The following FNDC3B variants were observed in gnomAD, a reference collection of about 807,000 sequenced individuals.
FNDC3B encodes fibronectin type III domain-containing protein 3B.
FNDC3B carries 12 observed loss-of-function variants against 151.5 expected under a neutral mutation model. The observed-to-expected ratio is 0.08, with a 90% confidence interval of 0.05 to 0.13. The LOEUF (loss-of-function observed/expected upper bound fraction) is 0.13, where lower values mean the gene tolerates loss of function less well. FNDC3B is among the 10% of genes least tolerant of loss of function. The probability of loss-of-function intolerance (pLI) is 1.00; values close to 1 mark genes in which losing one functional copy is unlikely to be tolerated. For missense variants in FNDC3B, 1,214 were observed against 1,505.3 expected (o/e 0.81, Z 3.20); for synonymous variants, 528 against 549.0 (o/e 0.96, Z 0.54).
At chr3:172,269,018 T>C (rs1729056121) in intron 6 of FNDC3B, among the ~76,000 whole-genome samples, 1 of 151,756 alleles carries the variant, frequency 6.6e-6, no homozygotes. Context: ...AGTATTTGGC[T>C]TTTTTTTGTT....
At chr3:172,200,872 G>C (rs1375853216) in intron 3 of FNDC3B, among the ~76,000 whole-genome samples, 1 of 152,152 alleles carries the variant, frequency 6.6e-6, no homozygotes. Context: ...TGTTGTTTGG[G>C]AGGGGAAAGA....
chr3:172,329,601 T>C (rs1308062097), intron 12 of FNDC3B: 2 of 152,350 alleles, frequency 1.3e-5, no homozygotes, highest in African/African-American at 4.8e-5. Flanking sequence ...AGGTATCAAT[T>C]GATTAAAGAG....
intron 1 of FNDC3B, among the ~76,000 whole-genome samples, chr3:172,087,526 A>G (rs1718608434): frequency 6.6e-6 from 1 of 152,146 alleles, no homozygotes. Context: ...AGAAATTTGA[A>G]GTGATTTGAG....
At chr3:172,138,887 T>A (rs1721490870) in intron 3 of FNDC3B, among the ~76,000 whole-genome samples, 1 of 152,204 alleles carries the variant, frequency 6.6e-6, no homozygotes, top group South Asian at 2.1e-4. Context: ...TTGAAGCTAT[T>A]CGAATGTGAA....
At chr3:172,070,700 G>A (rs763082295) in intron 1 of FNDC3B, among the ~76,000 whole-genome samples, 1 of 152,076 alleles carries the variant, frequency 6.6e-6, no homozygotes, top group African/African-American at 2.4e-5. Context: ...AAAAAAATTT[G>A]AACATAGACA....
At chr3:172,273,216 A>G (rs548318239) in intron 6 of FNDC3B, among the ~76,000 whole-genome samples, 5 of 152,370 alleles carry the variant, frequency 3.3e-5, no homozygotes, top group African/African-American at 1.2e-4. Context: ...TTCAAAATGT[A>G]GAAATATATT....
chr3:172,219,560 G>A (rs1279884948), intron 3 of FNDC3B, among the ~76,000 whole-genome samples: 1 of 152,110 alleles, frequency 6.6e-6, no homozygotes, highest in Non-Finnish European at 1.5e-5. Context: ...TTTCCAAAAC[G>A]TTTTTCATCA....
rs553784041 is a variant in FNDC3B, at chr3:172,315,064, A to C, written c.1254+4183A>C. Among the ~76,000 whole-genome samples the C allele has an allele frequency of 3.1e-3, 471 of 152,340 alleles. 3 individuals carry two copies. The highest frequency in any genetic ancestry group is 0.011 in the African/African-American group (460 of 41,578). ...TACAAGAAGTTACTATGACTATGAA[A>C]TGGTAATTAGCAGCTAAAAACGGAA... On this transcript the variant is annotated intron_variant, in intron 11 of 25. Transcript: ENST00000415807.
chr3:172,240,538 A>C (rs957803640), intron 4 of FNDC3B, among the ~76,000 whole-genome samples: 7 of 152,168 alleles, frequency 4.6e-5, no homozygotes, highest in African/African-American at 1.7e-4. Flanking sequence ...TTGTTTACCT[A>C]TTTACTTCTC....
chr3:172,155,465 G>A (rs1722434080), intron 3 of FNDC3B, among the ~76,000 whole-genome samples: 1 of 152,178 alleles, frequency 6.6e-6, no homozygotes, highest in African/African-American at 2.4e-5. Flanking sequence ...GCAGATTCAG[G>A]TCTGTCATAC....
chr3:172,088,225 T>C (rs758294381), intron 1 of FNDC3B, among the ~76,000 whole-genome samples: 6 of 152,192 alleles, frequency 3.9e-5, no homozygotes, highest in Non-Finnish European at 5.9e-5. Context: ...TATTTACAAC[T>C]TGAATCCTAA....
chr3:172,173,130 A>G (rs946011290), intron 3 of FNDC3B, among the ~76,000 whole-genome samples: 10 of 152,200 alleles, frequency 6.6e-5, no homozygotes, highest in Admixed American at 5.2e-4. Context: ...GAATTAGAGT[A>G]TAGAGTTAGA....
chr3:172,380,538 C>T (rs1222576797), intron 24 of FNDC3B, among the ~76,000 whole-genome samples: 8 of 152,006 alleles, frequency 5.3e-5, no homozygotes, highest in Non-Finnish European at 5.9e-5. Flanking sequence ...ATTTTTATTC[C>T]CTGATGTTTC....
chr3:172,274,270 A>G (rs1729336826), intron 6 of FNDC3B, among the ~76,000 whole-genome samples: 1 of 152,152 alleles, frequency 6.6e-6, no homozygotes, highest in Admixed American at 6.5e-5. Context: ...TAAACTTCTA[A>G]TGTAATTATT....
Position 172,330,339 on chromosome 3 carries a change from TG to T in FNDC3B, c.1380-201del. On this transcript the variant is annotated intron_variant, in intron 12 of 25. Coordinates refer to ENST00000415807, the MANE Select transcript of FNDC3B (RefSeq NM_022763.4). Reference sequence around the variant, plus strand: ...ATATTGTCCTGTGACTTGGTGTGTGTGTCTAGTAGAAGATCATGGGGTGGGG... The same window carrying T: ...ATATTGTCCTGTGACTTGGTGTGTGTTCTAGTAGAAGATCATGGGGTGGGG... The T allele has an allele frequency of 1.0e-5, 5 of 483,670 alleles. 1 individual carries two copies. In the South Asian group the frequency reaches 1.7e-4, roughly 17 times the overall value. The allele number at this position is 483,670 out of a possible 1,614,324, so 30.0% of individuals were successfully genotyped here.
At chr3:172,126,636 T>C (rs956590415) in intron 2 of FNDC3B, among the ~76,000 whole-genome samples, 5 of 152,210 alleles carry the variant, frequency 3.3e-5, no homozygotes. Context: ...TTTTCCTGGA[T>C]TGTATGGTGG....
At chr3:172,080,324 G>A (rs1331670852) in intron 1 of FNDC3B, among the ~76,000 whole-genome samples, 2 of 152,042 alleles carry the variant, frequency 1.3e-5, no homozygotes, top group African/African-American at 4.8e-5. Context: ...AGGCTGGGGT[G>A]CAGTGGCATG....
chr3:172,209,042 C>T (rs1288420814), intron 3 of FNDC3B, among the ~76,000 whole-genome samples: 1 of 151,446 alleles, frequency 6.6e-6, no homozygotes, highest in African/African-American at 2.4e-5. Context: ...TGTCACAGCC[C>T]TGGCTCCGGG....
intron 3 of FNDC3B, among the ~76,000 whole-genome samples, chr3:172,139,614 A>G (rs1277865007): frequency 2.0e-5 from 3 of 152,202 alleles, no homozygotes; most frequent in Non-Finnish European, 2.9e-5. Context: ...ATCTTTGCCA[A>G]CTTTTATTAT....
Sources: gnomAD v4.1 joint callset for allele counts (sites outside exome capture counted in the v4.1 genomes callset) on GRCh38, gnomAD v4.1.1 for gene constraint, MANE v1.5 for transcripts, NCBI Gene and HGNC (gene_info 2026-07-23, HGNC 2026-07-21) for gene names.